Variants in PLA2G2E observed in about 807,000 individuals in gnomAD.
PLA2G2E encodes the protein phospholipase A2 group IIE, also known as group IIE secretory phospholipase A2.
PLA2G2E carries 14 observed loss-of-function variants against 16.5 expected under a neutral mutation model. The observed-to-expected ratio is 0.85, with a 90% CI of 0.56 to 1.33. The LOEUF (loss-of-function observed/expected upper bound fraction) is 1.33. Among genes scored for constraint, PLA2G2E ranks in the 40% most tolerant of loss-of-function variants. PLA2G2E has a pLI of 0.00. For synonymous variants in PLA2G2E, 72 were observed against 77.2 expected, an observed-to-expected ratio of 0.93 and a Z score of 0.36; for missense variants, 174 against 190.7, an observed-to-expected ratio of 0.91 and a Z score of 0.52.
chr1:19,922,186 G>T, intron 3 of PLA2G2E, 112 bp downstream of exon 3: 1 of 700,888 alleles, frequency 1.4e-6, no homozygotes, highest in Admixed American at 2.7e-5. Flanking sequence ...TCCAGCCCAG[G>T]GTCTGGCTCT....
At chr1:19,922,092 T>A (rs1455673774) in intron 3 of PLA2G2E, among the ~76,000 whole-genome samples, 2 of 152,200 alleles carry the variant, frequency 1.3e-5, no homozygotes, top group African/African-American at 4.8e-5. Flanking sequence ...AGGGCTGCAC[T>A]GATGGGGTAC....
intron 1 of PLA2G2E, 100 bp downstream of exon 1, chr1:19,923,420 G>T: frequency 1.9e-6 from 2 of 1,041,240 alleles, no homozygotes; most frequent in Non-Finnish European, 2.8e-6. Context: ...TCCAGTGTTT[G>T]GCATCCACCA....
In PLA2G2E at chr1:19,922,636, G is replaced by A. The variant is rs1553164440; in HGVS notation, c.160C>T (p.Pro54Ser). The change falls in exon 2 of 4, where the codon CCG becomes TCG. Residue 54 changes from proline (P) to serine (S), a missense_variant. Physicochemically the swap from Pro to Ser is moderately conservative, Grantham distance 74 (BLOSUM62 -1). Coordinates refer to ENST00000375116, the MANE Select transcript of PLA2G2E (RefSeq NM_014589.3). ...CYCGIGGSHWPVDQTDWCCHA... is the reference protein window; with the variant it reads ...CYCGIGGSHWSVDQTDWCCHA... ...CCTCACCAGTCAGTCTGGTCCACCG[G>A]CCAGTGGGAGCCACCGATGCCGCAG... 5.0e-6 allele frequency: 8 copies of A among 1,614,002 alleles called. 1 individual carries two copies. In the South Asian group the frequency reaches 8.8e-5, roughly 18 times the overall value.
Position 19,923,570 on chromosome 1 carries a change from G to C in PLA2G2E, c.-11C>G. ...GTGGGGAGATTTCATCCCAGGTTGGGGGGAAGGGAGGTGCACAAGGAGCAT... is the reference window on the plus strand; with the variant it reads ...GTGGGGAGATTTCATCCCAGGTTGGCGGGAAGGGAGGTGCACAAGGAGCAT... On this transcript the variant is annotated 5_prime_UTR_variant, in exon 1 of 4. Coordinates refer to ENST00000375116, the MANE Select transcript of PLA2G2E (RefSeq NM_014589.3). 1 of 1,549,778 alleles carries C rather than the reference G, an allele frequency of 6.5e-7. No individual in the cohort carries two copies. Among genetic ancestry groups the C allele is most frequent in the Non-Finnish European group, 8.7e-7 (1 of 1,146,154 alleles).
intron 1 of PLA2G2E, among the ~76,000 whole-genome samples, 195 bp downstream of exon 1, chr1:19,923,325 G>T (rs918418152): frequency 2.0e-5 from 3 of 152,206 alleles, no homozygotes; most frequent in Non-Finnish European, 4.4e-5. Flanking sequence ...CTCCCAGCCT[G>T]CATTCTCCTC....
chr1:19,923,458 C>T, intron 1 of PLA2G2E, 62 bp downstream of exon 1: 1 of 1,402,916 alleles, frequency 7.1e-7, no homozygotes, highest in Non-Finnish European at 9.8e-7. Context: ...GGCTCAGGGG[C>T]ATCCAGGGAG....
At chr1:19,922,053 G>T (rs1414308501) in intron 3 of PLA2G2E, among the ~76,000 whole-genome samples, 4 of 152,218 alleles carry the variant, frequency 2.6e-5, no homozygotes, top group Non-Finnish European at 5.9e-5. Context: ...GCTGGGAGGT[G>T]TCTGTGGGTA....
rs192084901 is a variant in PLA2G2E at position 19,920,269 on chromosome 1, C to G, written c.*38G>C. 6.3e-7 allele frequency: 1 copy of G among 1,585,324 alleles called. No homozygotes were observed. The highest frequency in any genetic ancestry group is 1.7e-5 in the Admixed American group (1 of 58,966). ...GGCCTGGGACTACAGCAGCCCGAGG[C>G]GGGACCTCCAGGGACGGGGGGGAGG... On this transcript the variant is annotated 3_prime_UTR_variant, in exon 4 of 4. Coordinates refer to ENST00000375116, the MANE Select transcript of PLA2G2E (RefSeq NM_014589.3). The surrounding 1 kb of genome is among the most constrained non-coding windows in gnomAD (Gnocchi z 4.3).
chr1:19,923,486 G>A lies in PLA2G2E; in HGVS notation c.40+34C>T, dbSNP rs755678611. 8.4e-6 allele frequency: 13 copies of A among 1,539,076 alleles called. No homozygotes were observed. The South Asian group carries it at 1.2e-4, about 14-fold the overall frequency. The stretch of plus-strand genomic sequence containing the variant: ...CCAGGGAGCTTGGGGTTGCCAGATG[G>A]GGCAGAAGGCTGAAGGTCACAAAGA... On this transcript the variant is annotated intron_variant, in intron 1 of 3. Coordinates refer to ENST00000375116, the MANE Select transcript of PLA2G2E (RefSeq NM_014589.3).
In PLA2G2E at chr1:19,920,269, C is replaced by T. The variant is rs192084901; in HGVS notation, c.*38G>A. On this transcript the variant is annotated 3_prime_UTR_variant, in exon 4 of 4. Transcript: ENST00000375116. The surrounding 1 kb of genome is among the most constrained non-coding windows in gnomAD (Gnocchi z 4.3). ...GGCCTGGGACTACAGCAGCCCGAGG[C>T]GGGACCTCCAGGGACGGGGGGGAGG... is the stretch of plus-strand genomic sequence containing the variant. 1,743 of 1,585,314 alleles carry T rather than the reference C, an allele frequency of 1.1e-3. 19 individuals carry two copies. The African/African-American group carries it at 0.02, about 18-fold the overall frequency.
At chr1:19,922,434 C>T in intron 2 of PLA2G2E, 30 bp from the exon 3 acceptor site, 2 of 1,598,510 alleles carry the variant, frequency 1.3e-6, no homozygotes, top group Non-Finnish European at 1.7e-6. Context: ...CCTGGAGGGA[C>T]CTGTGAGCCA....
chr1:19,922,223 G>T, intron 3 of PLA2G2E, 75 bp downstream of exon 3: 1 of 1,009,436 alleles, frequency 9.9e-7, no homozygotes, highest in Non-Finnish European at 1.5e-6. Context: ...ACCATCAGGA[G>T]GGGCTTCCTG....
chr1:19,922,210 G>T (rs988780758), intron 3 of PLA2G2E, 88 bp downstream of exon 3: 8 of 882,916 alleles, frequency 9.1e-6, no homozygotes, highest in Non-Finnish European at 1.5e-5. Flanking sequence ...AAGGCCCAAG[G>T]TCACCATCAG....
rs2045802573 is a variant in PLA2G2E at position 19,920,064 on chromosome 1, A to G, written c.*243T>C. 2.3e-6 allele frequency: 1 copy of G among 442,578 alleles called. No homozygotes were observed. The highest frequency in any genetic ancestry group is 4.0e-6 in the Non-Finnish European group (1 of 249,606). 27.4% of individuals were successfully genotyped at this position (442,578 alleles called of 1,614,324 possible). A position where few individuals can be genotyped will look rare whatever the true frequency, so the allele number is the denominator to read the frequency against. On this transcript the variant is annotated 3_prime_UTR_variant, in exon 4 of 4. Coordinates refer to ENST00000375116, the MANE Select transcript of PLA2G2E (RefSeq NM_014589.3). The surrounding 1 kb of genome is among the most constrained non-coding windows in gnomAD (Gnocchi z 4.3). ...AGAGGGAGCTGAGATCCCAGAAGCTAGTGACAGTCTTCTGGGTGCTGAAGG... is the reference window on the plus strand; with the variant it reads ...AGAGGGAGCTGAGATCCCAGAAGCTGGTGACAGTCTTCTGGGTGCTGAAGG...
At chr1:19,922,099 G>T (rs1228430916) in intron 3 of PLA2G2E, among the ~76,000 whole-genome samples, 199 bp downstream of exon 3, 1 of 152,188 alleles carries the variant, frequency 6.6e-6, no homozygotes, top group Admixed American at 6.5e-5. Flanking sequence ...CACTGATGGG[G>T]TACGGGCTTC....
intron 2 of PLA2G2E, 32 bp downstream of exon 2, chr1:19,922,585 C>T: frequency 6.2e-7 from 1 of 1,610,958 alleles, no homozygotes; most frequent in Non-Finnish European, 8.5e-7. Flanking sequence ...CCTCCATCCC[C>T]ATGGAGGTCC....
Position 19,920,504 on chromosome 1 carries a change from A to T in PLA2G2E, c.287-55T>A, listed in dbSNP as rs2045806605. The T allele has an allele frequency of 1.9e-6, 3 of 1,573,256 alleles. No individual in the cohort carries two copies. Among genetic ancestry groups the T allele is most frequent in the Non-Finnish European group, 2.6e-6 (3 of 1,155,536 alleles). ...CAGAAGCTCAGGATATGTGTGGGAC[A>T]GCTCTTGGCTGCTTCTGGGTCCACG... On this transcript the variant is annotated intron_variant, in intron 3 of 3. Coordinates refer to ENST00000375116, the MANE Select transcript of PLA2G2E (RefSeq NM_014589.3). The surrounding 1 kb of genome is among the most constrained non-coding windows in gnomAD (Gnocchi z 4.3).
chr1:19,922,168 C>G, intron 3 of PLA2G2E, 130 bp downstream of exon 3: 1 of 649,058 alleles, frequency 1.5e-6, no homozygotes, highest in Admixed American at 2.9e-5. Flanking sequence ...AACGGGAAAC[C>G]CCATGCCTCC....
rs2045809542 is a variant in PLA2G2E, at chr1:19,920,985, G to A, written c.287-536C>T. On this transcript the variant is annotated intron_variant, in intron 3 of 3. Transcript: ENST00000375116. This position sits in a 1 kb window ranked among gnomAD's most constrained non-coding sequence, Gnocchi z 4.3. ...CAGAGTGGACAGAGCCCAGTTTTCT[G>A]CCCATACCCAGCCTGGGAGTCAGAC... 6.6e-6 allele frequency among the ~76,000 whole-genome samples: 1 copy of A among 152,158 alleles called. No individual in the cohort carries two copies. Among genetic ancestry groups the A allele is most frequent in the African/African-American group, 2.4e-5 (1 of 41,440 alleles).
Sources: allele counts gnomAD v4.1 joint callset (sites outside exome capture counted in the v4.1 genomes callset), GRCh38; gene constraint gnomAD v4.1.1; non-coding constraint Gnocchi (gnomAD v3.1); transcripts MANE v1.5; gene names NCBI Gene and HGNC (gene_info 2026-07-23, HGNC 2026-07-21).